Variants in PPP1R9A observed in about 807,000 individuals in gnomAD.
PPP1R9A encodes the protein protein phosphatase 1 regulatory subunit 9A.
In PPP1R9A, 59 loss-of-function variants were observed where a neutral mutation model predicts 141.9. That is an observed-to-expected ratio of 0.42 (90% CI 0.34 to 0.52). The LOEUF (loss-of-function observed/expected upper bound fraction) is 0.52. Ranked by LOEUF, PPP1R9A falls within the 20% of genes least tolerant of loss-of-function variation. The pLI is 0.10. For synonymous variants in PPP1R9A, 500 were observed against 569.7 expected (o/e 0.88, Z 1.74); for missense variants, 1,444 against 1,611.9 (o/e 0.90, Z 1.78).
At chr7:95,258,306 A>T (rs2153024380) in intron 12 of PPP1R9A, among the ~76,000 whole-genome samples, 1 of 152,268 alleles carries the variant, frequency 6.6e-6, no homozygotes, top group East Asian at 1.9e-4. Context: ...TTGGCTGCAT[A>T]AATGTCTTCT....
At chr7:95,009,160 G>T (rs965802384) in intron 2 of PPP1R9A, among the ~76,000 whole-genome samples, 1 of 152,138 alleles carries the variant, frequency 6.6e-6, no homozygotes, top group Non-Finnish European at 1.5e-5. Flanking sequence ...ATGGGGTCGG[G>T]GAAGGGGGGA....
intron 7 of PPP1R9A, among the ~76,000 whole-genome samples, chr7:95,210,737 G>C (rs2152909758): frequency 1.3e-5 from 2 of 152,170 alleles, no homozygotes; most frequent in South Asian, 4.2e-4. Context: ...GCAAAGACTT[G>C]GAACCAACCC....
intron 2 of PPP1R9A, among the ~76,000 whole-genome samples, chr7:95,109,317 T>A (rs955034797): frequency 1.3e-5 from 2 of 152,344 alleles, no homozygotes; most frequent in East Asian, 3.9e-4. Context: ...TGCTTTTATA[T>A]CAGTTACCAC....
At chr7:95,175,107 C>T (rs1188359663) in intron 5 of PPP1R9A, 1 of 152,136 alleles carries the variant, frequency 6.6e-6, no homozygotes, top group African/African-American at 2.4e-5. Flanking sequence ...GACATCCCGT[C>T]AGCTCTGTAT....
Position 95,258,232 on chromosome 7 carries a change from C to T in PPP1R9A, c.2665+6102C>T, listed in dbSNP as rs1178258881. Among the ~76,000 whole-genome samples, 4 of 152,058 alleles carry T rather than the reference C, an allele frequency of 2.6e-5. No homozygotes were observed. The South Asian group carries it at 6.3e-4, about 24-fold the overall frequency. On this transcript the variant is annotated intron_variant, in intron 12 of 19. Coordinates refer to ENST00000433360, the MANE Select transcript of PPP1R9A (RefSeq NM_001166160.2). ...TTCTAACTGGTGTGAGATGGTACCTCATTGTGGTTTTGATTTGCATTTCTC... is the reference window on the plus strand; with the variant it reads ...TTCTAACTGGTGTGAGATGGTACCTTATTGTGGTTTTGATTTGCATTTCTC...
chr7:95,006,845 C>T (rs1324022614), intron 2 of PPP1R9A, among the ~76,000 whole-genome samples: 1 of 151,762 alleles, frequency 6.6e-6, no homozygotes, highest in Non-Finnish European at 1.5e-5. Flanking sequence ...GATCTTTTTT[C>T]ATTGAATGGC....
intron 2 of PPP1R9A, among the ~76,000 whole-genome samples, chr7:94,960,229 T>C (rs1797485134): frequency 6.6e-6 from 1 of 151,228 alleles, no homozygotes; most frequent in Admixed American, 6.6e-5. Context: ...ATCTTACTGT[T>C]ATTAAAATAT....
chr7:95,081,524 A>G (rs1040507520), intron 2 of PPP1R9A, among the ~76,000 whole-genome samples: 10 of 152,232 alleles, frequency 6.6e-5, no homozygotes, highest in African/African-American at 2.4e-4. Flanking sequence ...TGCATTAGAC[A>G]GTGAACAAAT....
In PPP1R9A at chr7:95,178,439, G is replaced by A. The variant is rs140412763; in HGVS notation, c.1754+16468G>A. 2.3e-3 allele frequency among the ~76,000 whole-genome samples: 344 copies of A among 151,942 alleles called. 2 individuals carry two copies. Among genetic ancestry groups the A allele is most frequent in the African/African-American group, 7.7e-3 (320 of 41,474 alleles). ...CACCTACATCAAAAAGACTGAAAGA[G>A]CACAAACTGATCATCTAAGGTCACA... On this transcript the variant is annotated intron_variant, in intron 5 of 19. Transcript: ENST00000433360.
intron 2 of PPP1R9A, among the ~76,000 whole-genome samples, chr7:94,992,453 A>C (rs1032959551): frequency 6.6e-6 from 1 of 152,216 alleles, no homozygotes; most frequent in African/African-American, 2.4e-5. Context: ...GATGTATACA[A>C]ATTTTAATAT....
chr7:94,984,648 G>A (rs1363921971), intron 2 of PPP1R9A, among the ~76,000 whole-genome samples: 1 of 152,100 alleles, frequency 6.6e-6, no homozygotes, highest in Admixed American at 6.5e-5. Context: ...TCTGATGGTA[G>A]TTTGTATTTC....
At chr7:95,181,948 T>C (rs1288293053) in intron 5 of PPP1R9A, among the ~76,000 whole-genome samples, 1 of 151,566 alleles carries the variant, frequency 6.6e-6, no homozygotes, top group East Asian at 1.9e-4. Flanking sequence ...CCAAACATTG[T>C]ATGTTCTCAC....
chr7:94,981,233 T>C (rs2151323631), intron 2 of PPP1R9A, among the ~76,000 whole-genome samples: 1 of 152,174 alleles, frequency 6.6e-6, no homozygotes, highest in Non-Finnish European at 1.5e-5. Context: ...CCCAGTGTAC[T>C]TATTTATTTA....
intron 8 of PPP1R9A, among the ~76,000 whole-genome samples, chr7:95,244,197 G>C (rs776814956): frequency 6.6e-6 from 1 of 152,132 alleles, no homozygotes; most frequent in Non-Finnish European, 1.5e-5. Flanking sequence ...ACTTTGCGCA[G>C]TTGTTCTCAC....
At chr7:94,921,261 A>G (rs903484888) in intron 2 of PPP1R9A, among the ~76,000 whole-genome samples, 3 of 151,908 alleles carry the variant, frequency 2.0e-5, no homozygotes, top group Admixed American at 2.0e-4. Flanking sequence ...CCTGGCGAAC[A>G]CTGTGAAAAC....
chr7:95,230,542 A>G (rs1292858622), intron 8 of PPP1R9A, among the ~76,000 whole-genome samples: 1 of 152,090 alleles, frequency 6.6e-6, no homozygotes, highest in Non-Finnish European at 1.5e-5. Context: ...AGTAGAATCA[A>G]ACAAGCAGAA....
intron 2 of PPP1R9A, among the ~76,000 whole-genome samples, chr7:95,070,610 T>TATATATATATATATAA (rs1321187469): frequency 1.1e-5 from 1 of 94,120 alleles, no homozygotes. Flanking sequence ...TATATATATA[T>TATATATATATATATAA]ACACACACAC....
chr7:95,224,804 T>A (rs1794922695), intron 7 of PPP1R9A, among the ~76,000 whole-genome samples: 1 of 151,938 alleles, frequency 6.6e-6, no homozygotes, highest in African/African-American at 2.4e-5. Context: ...GCTGAGCCTA[T>A]TTACTCAAAG....
chr7:95,000,667 T>A (rs1376302986), intron 2 of PPP1R9A, among the ~76,000 whole-genome samples: 1 of 152,146 alleles, frequency 6.6e-6, no homozygotes. Flanking sequence ...TGCATATTAT[T>A]TTGTTTTCTC....
Sources: gnomAD v4.1 joint callset for allele counts (sites outside exome capture counted in the v4.1 genomes callset) on GRCh38, gnomAD v4.1.1 for gene constraint, MANE v1.5 for transcripts, NCBI Gene and HGNC (gene_info 2026-07-23, HGNC 2026-07-21) for gene names.